Variants in CAST observed in about 807,000 individuals in gnomAD.
CAST encodes calpastatin.
In CAST, 76 loss-of-function variants were observed where a neutral mutation model predicts 119.6. The observed-to-expected ratio is 0.64, with a 90% CI of 0.53 to 0.77. CAST has a LOEUF of 0.77. CAST is among the 30% of genes least tolerant of loss of function. CAST has a pLI of 0.00. For synonymous variants in CAST, 319 were observed against 331.6 expected (o/e 0.96, Z 0.41); for missense variants, 953 against 946.5 (o/e 1.01, Z -0.09).
chr5:96,665,959 A>G (rs1749285920), intron 1 of CAST, among the ~76,000 whole-genome samples: 1 of 152,226 alleles, frequency 6.6e-6, no homozygotes, highest in Non-Finnish European at 1.5e-5. Context: ...ATATGCATAT[A>G]TATCTACAGA....
At chr5:96,305,540 A>C in the CAST span, among the ~76,000 whole-genome samples, 1 of 152,202 alleles carries the variant, frequency 6.6e-6, no homozygotes, top group Non-Finnish European at 1.5e-5. Flanking sequence ...CCGGTTTTCA[A>C]AGGGAGTGCT....
chr5:96,054,007 A>C, the CAST span, among the ~76,000 whole-genome samples: 1 of 152,004 alleles, frequency 6.6e-6, no homozygotes, highest in African/African-American at 2.4e-5. Context: ...TTTATTCTTA[A>C]TATGTGTTGA....
intron 28 of CAST, 99 bp downstream of exon 28, chr5:96,767,581 C>G (rs1410702287): frequency 2.8e-5 from 23 of 823,448 alleles, no homozygotes; most frequent in Non-Finnish European, 4.5e-5. Context: ...AATGCCTACT[C>G]TGTGCCTGGT....
At chr5:95,978,353 AGAT>A in the CAST span, among the ~76,000 whole-genome samples, 1 of 152,214 alleles carries the variant, frequency 6.6e-6, no homozygotes, top group Non-Finnish European at 1.5e-5. Flanking sequence ...GACTGGTGTG[AGAT>A]GATATCTCAT....
At chr5:95,997,044 C>T in the CAST span, among the ~76,000 whole-genome samples, 2 of 152,192 alleles carry the variant, frequency 1.3e-5, no homozygotes, top group East Asian at 3.9e-4. Context: ...TTTCAGAATG[C>T]TTTGGAACCA....
chr5:96,161,420 C>T, the CAST span, among the ~76,000 whole-genome samples: 2 of 152,010 alleles, frequency 1.3e-5, no homozygotes, highest in South Asian at 2.1e-4. Flanking sequence ...ATCTTGGCAC[C>T]TCTGTTGAAA....
chr5:96,558,196 A>G (rs537077554), intron 1 of CAST, among the ~76,000 whole-genome samples: 2 of 152,364 alleles, frequency 1.3e-5, no homozygotes, highest in South Asian at 4.1e-4. Context: ...TCTGGGACAC[A>G]TTCAAAGCAA....
the CAST span, among the ~76,000 whole-genome samples, chr5:96,466,514 A>G: frequency 6.6e-6 from 1 of 150,542 alleles, no homozygotes; most frequent in Non-Finnish European, 1.5e-5. Flanking sequence ...TCCCACCCAC[A>G]CTTTGTAGTC....
chr5:96,129,589 G>A, the CAST span, among the ~76,000 whole-genome samples: 1 of 152,198 alleles, frequency 6.6e-6, no homozygotes, highest in East Asian at 1.9e-4. Context: ...TGAGGAAATT[G>A]TTCACTTTTG....
chr5:96,312,797 T>G, the CAST span, among the ~76,000 whole-genome samples: 1 of 152,148 alleles, frequency 6.6e-6, no homozygotes, highest in Non-Finnish European at 1.5e-5. Context: ...AAGTGTTCTC[T>G]TTTTACTAGT....
At chr5:95,967,668 T>C in the CAST span, among the ~76,000 whole-genome samples, 1 of 152,172 alleles carries the variant, frequency 6.6e-6, no homozygotes, top group Non-Finnish European at 1.5e-5. Context: ...TGCTCGTTGC[T>C]GTCGCCATGT....
intron 1 of CAST, chr5:96,584,933 G>T (rs945338704): frequency 6.6e-6 from 1 of 152,162 alleles, no homozygotes; most frequent in Admixed American, 6.5e-5. Context: ...CCCTTTTCTC[G>T]AGTTTCCCGT....
the CAST span, among the ~76,000 whole-genome samples, chr5:95,966,336 A>G: frequency 6.6e-6 from 1 of 152,108 alleles, no homozygotes; most frequent in South Asian, 2.1e-4. Context: ...CTTATCTGAG[A>G]ACTTTGCTGA....
intron 1 of CAST, among the ~76,000 whole-genome samples, chr5:96,587,188 A>C (rs959013179): frequency 6.6e-6 from 1 of 152,240 alleles, no homozygotes; most frequent in Non-Finnish European, 1.5e-5. Flanking sequence ...AAAGGTTTGT[A>C]CAGCACATTT....
chr5:96,377,955 A>G, the CAST span, among the ~76,000 whole-genome samples: 1 of 152,190 alleles, frequency 6.6e-6, no homozygotes, highest in Non-Finnish European at 1.5e-5. Flanking sequence ...TGGTATGTAT[A>G]TATACAATGG....
At chr5:96,648,129 C>T (rs1471042597) in intron 1 of CAST, among the ~76,000 whole-genome samples, 1 of 152,150 alleles carries the variant, frequency 6.6e-6, no homozygotes, top group Non-Finnish European at 1.5e-5. Flanking sequence ...CTCATCTATC[C>T]TTTAGGTTAT....
intron 1 of CAST, among the ~76,000 whole-genome samples, chr5:96,540,473 G>A (rs1745892290): frequency 6.6e-6 from 1 of 151,920 alleles, no homozygotes; most frequent in Non-Finnish European, 1.5e-5. Context: ...TAGATTTATA[G>A]AAAAAATAAG....
the CAST span, among the ~76,000 whole-genome samples, chr5:96,485,913 T>C: frequency 6.6e-6 from 1 of 152,094 alleles, no homozygotes; most frequent in Non-Finnish European, 1.5e-5. Flanking sequence ...AAAGTTAAGG[T>C]TTTCTTTTGA....
chr5:96,659,113 C>T (rs189780006), upstream of CAST, among the ~76,000 whole-genome samples: 2 of 152,310 alleles, frequency 1.3e-5, no homozygotes, highest in East Asian at 1.9e-4. Flanking sequence ...TATGGGTGCA[C>T]TATGTGGTGC....
Sources: gnomAD v4.1 joint callset for allele counts (sites outside exome capture counted in the v4.1 genomes callset) on GRCh38, gnomAD v4.1.1 for gene constraint, MANE v1.5 for transcripts, NCBI Gene and HGNC (gene_info 2026-07-23, HGNC 2026-07-21) for gene names.